The following LRRTM1 variants were observed in gnomAD, a reference collection of about 807,000 sequenced individuals.
The protein encoded by LRRTM1 is leucine-rich repeat transmembrane neuronal protein 1.
In LRRTM1, 8 loss-of-function variants were observed where a neutral mutation model predicts 37.3. The observed-to-expected ratio is 0.21, with a 90% CI of 0.13 to 0.39. The LOEUF is 0.39. Ranked by LOEUF, LRRTM1 falls within the 10% of genes least tolerant of loss-of-function variation. The pLI, the probability that LRRTM1 is intolerant of heterozygous loss-of-function variation, is 1.00. For synonymous variants in LRRTM1, 326 were observed against 316.8 expected, an observed-to-expected ratio of 1.03 and a Z score of -0.31; for missense variants, 557 against 691.0, an observed-to-expected ratio of 0.81 and a Z score of 2.17.
At chr2:80,289,082 C>T (rs1675014687) in exon 3 of LRRTM1, 2 of 152,148 alleles carry the variant, frequency 1.3e-5, no homozygotes, top group Admixed American at 1.3e-4. Context: ...GGATTTCTTT[C>T]CCACCTTCTT....
chr2:80,302,479 G>A lies in LRRTM1; in HGVS notation c.1341C>T (p.Tyr447=), dbSNP rs368600677. The change falls in exon 2 of 2, where the codon TAC becomes TAT. Residue 447 remains tyrosine (Y), a synonymous_variant. Transcript: ENST00000295057. This position sits in a 1 kb window ranked among gnomAD's most constrained non-coding sequence, Gnocchi z 6.4. ...FSFLIVVLVL[Y]VSWKCFPASL... ...TGGCTGGGAAACACTTCCAGGACAC[G>A]TAGAGCACCAGGACCACGATGAGGA... 6.3e-5 allele frequency: 101 copies of A among 1,613,882 alleles called. No homozygotes were observed. Among genetic ancestry groups the A allele is most frequent in the African/African-American group, 8.0e-5 (6 of 74,938 alleles).
In LRRTM1 at chr2:80,293,301, T is replaced by G. The variant is rs77278760; in HGVS notation, c.*307-4106A>C. Among the ~76,000 whole-genome samples, 902 of 152,330 alleles carry G rather than the reference T, an allele frequency of 5.9e-3. 7 individuals are homozygous for G. The highest frequency in any genetic ancestry group is 0.031 in the Middle Eastern group (9 of 294). On this transcript the variant is annotated intron_variant and NMD_transcript_variant, in intron 2 of 2. Transcript: ENST00000417012. Reference sequence around the variant, plus strand: ...CTGTGTGCTGCTGAGCCATCTCACTTATACTGAAGGCTGCCTACAATATCT... The same window carrying G: ...CTGTGTGCTGCTGAGCCATCTCACTGATACTGAAGGCTGCCTACAATATCT...
chr2:80,291,955 G>A (rs971808828), intron 2 of LRRTM1, among the ~76,000 whole-genome samples: 19 of 152,170 alleles, frequency 1.2e-4, no homozygotes, highest in Admixed American at 9.8e-4. Context: ...TTAGAAAGCT[G>A]GGAAGGAAGC....
intron 2 of LRRTM1, among the ~76,000 whole-genome samples, chr2:80,294,226 G>T (rs550137377): frequency 1.3e-5 from 2 of 152,276 alleles, no homozygotes; most frequent in Admixed American, 1.3e-4. Flanking sequence ...CCTTAAAAAT[G>T]GGACAAGTTT....
At position 80,304,194 on chromosome 2, in the gene LRRTM1, G is replaced by A. The variant is rs1676671964; in HGVS notation, c.-102C>T. 5.6e-6 allele frequency: 1 copy of A among 177,838 alleles called. No individual in the cohort carries two copies. The highest frequency in any genetic ancestry group is 1.9e-4 in the South Asian group (1 of 5,130). The allele number at this position is 177,838 out of a possible 1,614,324, so 11.0% of individuals were successfully genotyped here. A position where few individuals can be genotyped will look rare whatever the true frequency, so the allele number is the denominator to read the frequency against. The stretch of plus-strand genomic sequence containing the variant: ...CAACCTCCATTCAGCTGCTCCCTTT[G>A]TGTGCAGGCTAATTATATGCAGGGC... On this transcript the variant is annotated 5_prime_UTR_variant, in exon 1 of 2. Coordinates refer to ENST00000295057, the MANE Select transcript of LRRTM1 (RefSeq NM_178839.5).
chr2:80,302,999 T>G lies in LRRTM1; in HGVS notation c.821A>C (p.His274Pro). The change falls in exon 2 of 2, where the codon CAT becomes CCT. Residue 274 changes from histidine to proline, a missense_variant. Physicochemically the swap from His to Pro is moderately conservative, Grantham distance 77. This residue lies in a region of LRRTM1 where 200 missense variants were observed against 249.9 expected (regional missense o/e 0.80). Coordinates refer to ENST00000295057, the MANE Select transcript of LRRTM1 (RefSeq NM_178839.5). This position sits in a 1 kb window ranked among gnomAD's most constrained non-coding sequence, Gnocchi z 6.4. ...CAGGTGCGGCACGGTCTCGAACACA[T>G]GGGGCTCCATGTACTCGATCTCGTT... Reference protein sequence around the residue: ...SGNEIEYMEPHVFETVPHLQS... With the variant: ...SGNEIEYMEPPVFETVPHLQS... 6.2e-7 allele frequency: 1 copy of G among 1,612,722 alleles called. No homozygotes were observed. Among genetic ancestry groups the G allele is most frequent in the Non-Finnish European group, 8.5e-7 (1 of 1,179,778 alleles).
At position 80,302,977 on chromosome 2, in the gene LRRTM1, G is replaced by A. The variant is rs750573503; in HGVS notation, c.843C>T (p.His281=). 3 of 1,613,838 alleles carry A rather than the reference G, an allele frequency of 1.9e-6. No individual in the cohort carries two copies. The highest frequency in any genetic ancestry group is 2.5e-6 in the Non-Finnish European group (3 of 1,180,000). ...TGGAGTCCAGCTGCAGGGACTGCAG[G>A]TGCGGCACGGTCTCGAACACATGGG... is the stretch of plus-strand genomic sequence containing the variant. The part of the protein sequence containing the change: ...MEPHVFETVP[H]LQSLQLDSNR... The change falls in exon 2 of 2, where the codon CAC becomes CAT. Residue 281 remains histidine, a synonymous_variant. Transcript: ENST00000295057. The surrounding 1 kb of genome is among the most constrained non-coding windows in gnomAD (Gnocchi z 6.4).
downstream of LRRTM1, among the ~76,000 whole-genome samples, chr2:80,301,526 AC>A (rs1395770874): frequency 1.3e-5 from 2 of 152,068 alleles, no homozygotes; most frequent in African/African-American, 4.8e-5. Context: ...CTTTTTAAAA[AC>A]CATTTGCAAT....
At chr2:80,295,597 G>GA (rs1484256188) in intron 2 of LRRTM1, among the ~76,000 whole-genome samples, 4 of 152,092 alleles carry the variant, frequency 2.6e-5, no homozygotes, top group East Asian at 1.9e-4. Flanking sequence ...TTATTGTGGG[G>GA]AAAAAATGGT....
chr2:80,302,759 A>T lies in LRRTM1; in HGVS notation c.1061T>A (p.Leu354Gln), dbSNP rs775910242. ...SPEYAQGEDV[L>Q]DAVYAFHLCE... ...CAGGTGGAAGGCGTACACGGCGTCCAGGACGTCCTCGCCCTGTGCGTACTC... is the reference window on the plus strand; with the variant it reads ...CAGGTGGAAGGCGTACACGGCGTCCTGGACGTCCTCGCCCTGTGCGTACTC... The change falls in exon 2 of 2, where the codon CTG becomes CAG. Residue 354 changes from leucine (L) to glutamine (Q), a missense_variant. This residue lies in a region of LRRTM1 where 89 missense variants were observed against 80.7 expected (regional missense o/e 1.10). Transcript: ENST00000295057. The surrounding 1 kb of genome is among the most constrained non-coding windows in gnomAD (Gnocchi z 6.4). 1.9e-6 allele frequency: 3 copies of T among 1,613,228 alleles called. No individual in the cohort carries two copies. The East Asian group carries it at 6.7e-5, about 36-fold the overall frequency.
rs6744087 is a variant in LRRTM1, at chr2:80,296,657, A to G, written c.*306+5288T>C. ...CCTTGTAAAGCTGAAGCACAGCATG[A>G]TGCTTTAGATAGCACCATTACTTTC... is the stretch of plus-strand genomic sequence containing the variant. On this transcript the variant is annotated intron_variant and NMD_transcript_variant, in intron 2 of 2. Transcript: ENST00000417012. Among the ~76,000 whole-genome samples the G allele has an allele frequency of 2.3e-3, 347 of 152,344 alleles. 1 individual carries two copies. Among genetic ancestry groups the G allele is most frequent in the African/African-American group, 8.1e-3 (336 of 41,586 alleles).
chr2:80,303,824 G>A lies in LRRTM1; in HGVS notation c.-5C>T, dbSNP rs747415412. The A allele has an allele frequency of 4.0e-6, 6 of 1,505,498 alleles. No individual in the cohort carries two copies. Among genetic ancestry groups the A allele is most frequent in the Non-Finnish European group, 4.4e-6 (5 of 1,127,140 alleles). The allele number at this position is 1,505,498 out of a possible 1,614,324, so 93.3% of individuals were successfully genotyped here. A position where few individuals can be genotyped will look rare whatever the true frequency, so the allele number is the denominator to read the frequency against. On this transcript the variant is annotated 5_prime_UTR_variant, in exon 2 of 2. Coordinates refer to ENST00000295057, the MANE Select transcript of LRRTM1 (RefSeq NM_178839.5). This position sits in a 1 kb window ranked among gnomAD's most constrained non-coding sequence, Gnocchi z 7.7. ...ACCGAGCAGCAGGAAATCCATTAGC[G>A]AGAATCTTTCCAGAGAGACTGGAGA... is the stretch of plus-strand genomic sequence containing the variant.
chr2:80,303,029 G>A lies in LRRTM1; in HGVS notation c.791C>T (p.Ser264Leu). 6.2e-7 allele frequency: 1 copy of A among 1,613,770 alleles called. No homozygotes were observed. The highest frequency in any genetic ancestry group is 1.1e-5 in the South Asian group (1 of 91,048). ...WVWNLEKMDL[S>L]GNEIEYMEPH... Reference sequence around the variant, plus strand: ...CTCCATGTACTCGATCTCGTTGCCCGACAAGTCCATTTTCTCCAGGTTCCA... The same window carrying A: ...CTCCATGTACTCGATCTCGTTGCCCAACAAGTCCATTTTCTCCAGGTTCCA... Residue 264 changes from serine (S) to leucine (L), a missense_variant, in exon 2 of 2, where the codon TCG becomes TTG. Physicochemically the swap from Ser to Leu is moderately radical, Grantham distance 145. Transcript: ENST00000295057. This position sits in a 1 kb window ranked among gnomAD's most constrained non-coding sequence, Gnocchi z 7.7.
At chr2:80,298,177 T>A (rs1446242743), downstream of LRRTM1, 1 of 152,112 alleles carries the variant, frequency 6.6e-6, no homozygotes, top group African/African-American at 2.4e-5. Context: ...TAATTCCTTT[T>A]TTTTGACATT....
At chr2:80,298,684 G>A (rs1237646596), downstream of LRRTM1, 1 of 152,214 alleles carries the variant, frequency 6.6e-6, no homozygotes, top group Admixed American at 6.5e-5. Flanking sequence ...CCTTCTTGAA[G>A]GCAGAGAGAA....
At chr2:80,295,506 G>T (rs991843722) in intron 2 of LRRTM1, among the ~76,000 whole-genome samples, 8 of 152,166 alleles carry the variant, frequency 5.3e-5, no homozygotes, top group African/African-American at 1.9e-4. Context: ...GAATCAGAAT[G>T]TCTGGAGGAA....
downstream of LRRTM1, chr2:80,299,611 ACATGATGT>A (rs1337052334): frequency 1.3e-5 from 2 of 152,174 alleles, no homozygotes; most frequent in Non-Finnish European, 1.5e-5. Flanking sequence ...TCTTCTACAT[ACATGATGT>A]TTAATCATGG....
intron 2 of LRRTM1, among the ~76,000 whole-genome samples, chr2:80,291,556 C>G (rs953171747): frequency 6.6e-6 from 1 of 152,196 alleles, no homozygotes; most frequent in Non-Finnish European, 1.5e-5. Context: ...AAAGAAAAAG[C>G]TTCTTTAAAT....
intron 2 of LRRTM1, among the ~76,000 whole-genome samples, chr2:80,290,153 T>C (rs1443148068): frequency 1.4e-4 from 22 of 152,166 alleles, no homozygotes; most frequent in African/African-American, 4.8e-5. Context: ...GACAAGGGAA[T>C]TGAGGTACAG....
Sources: allele counts gnomAD v4.1 joint callset (sites outside exome capture counted in the v4.1 genomes callset), GRCh38; gene constraint gnomAD v4.1.1; regional missense constraint gnomAD v4.1.1; non-coding constraint Gnocchi (gnomAD v3.1); transcripts MANE v1.5; gene names NCBI Gene and HGNC (gene_info 2026-07-23, HGNC 2026-07-21).